CCDC175: variants seen among roughly 807,000 people sequenced by gnomAD.
CCDC175 encodes the protein coiled-coil domain containing 175.
In CCDC175, 100 loss-of-function variants were observed where a neutral mutation model predicts 114.6. The ratio of observed to expected loss-of-function variants is 0.87; its 90% CI spans 0.74 to 1.03. The LOEUF is 1.03. Among genes scored for constraint, CCDC175 ranks in the 50% least tolerant of loss-of-function variants. The pLI, the probability that CCDC175 is intolerant of heterozygous loss-of-function variation, is 0.00. For synonymous variants in CCDC175, 306 were observed against 308.7 expected, an observed-to-expected ratio of 0.99 and a Z score of 0.09; for missense variants, 880 against 917.8, an observed-to-expected ratio of 0.96 and a Z score of 0.53.
In CCDC175 at chr14:59,510,772, T is replaced by C. The variant is rs979967033; in HGVS notation, c.2179A>G (p.Ile727Val). The change falls in exon 19 of 20, where the codon ATA becomes GTA. Residue 727 changes from isoleucine (I) to valine (V), a missense_variant. Coordinates refer to ENST00000537690, the MANE Select transcript of CCDC175 (RefSeq NM_001164399.2). The part of the protein sequence containing the change: ...VDNGEETLQD[I>V]NNLTDKLRER... ...CGCAGCTTGTCTGTTAGATTGTTTATGTCTTGCAAGGTCTCTTCACCATTG... is the reference window on the plus strand; with the variant it reads ...CGCAGCTTGTCTGTTAGATTGTTTACGTCTTGCAAGGTCTCTTCACCATTG... The C allele has an allele frequency of 2.0e-6, 3 of 1,537,392 alleles. No individual in the cohort carries two copies. The highest frequency in any genetic ancestry group is 2.6e-6 in the Non-Finnish European group (3 of 1,146,936).
At chr14:59,575,523 T>C (rs78825608) in intron 1 of CCDC175, among the ~76,000 whole-genome samples, 1 of 150,360 alleles carries the variant, frequency 6.7e-6, no homozygotes, top group Non-Finnish European at 1.5e-5. Flanking sequence ...TTTTTTTTTT[T>C]TTTTGAGACG....
chr14:59,555,458 C>T (rs552486894), intron 7 of CCDC175, among the ~76,000 whole-genome samples: 6 of 152,250 alleles, frequency 3.9e-5, no homozygotes, highest in East Asian at 3.9e-4. Context: ...ATTGATGGGA[C>T]GTATCTCAAA....
intron 6 of CCDC175, among the ~76,000 whole-genome samples, chr14:59,562,901 AATTTTCATTTT>A (rs1896303231): frequency 6.6e-6 from 1 of 152,182 alleles, no homozygotes; most frequent in South Asian, 2.1e-4. Flanking sequence ...TTTGGGAGAA[AATTTTCATTTT>A]ATTAATGCTT....
At chr14:59,556,644 C>A (rs998282996) in intron 7 of CCDC175, among the ~76,000 whole-genome samples, 5 of 152,178 alleles carry the variant, frequency 3.3e-5, no homozygotes, top group Admixed American at 1.3e-4. Context: ...TTCTGCACAG[C>A]AAAAGAAACT....
chr14:59,527,196 TAACTACCTCAAAA>T, intron 14 of CCDC175, 22 bp from the exon 15 acceptor site: 1 of 1,239,478 alleles, frequency 8.1e-7, no homozygotes, highest in Non-Finnish European at 1.1e-6. Context: ...AAGAAAAAAA[TAACTACCTCAAAA>T]ATTTAGTTAA....
intron 4 of CCDC175, among the ~76,000 whole-genome samples, chr14:59,567,451 T>C (rs1896623445): frequency 6.6e-6 from 1 of 152,302 alleles, no homozygotes; most frequent in South Asian, 2.1e-4. Flanking sequence ...CAAGAAGACT[T>C]TTTTTCCCCT....
At chr14:59,524,263 T>C (rs1484812461) in intron 16 of CCDC175, among the ~76,000 whole-genome samples, 1 of 152,202 alleles carries the variant, frequency 6.6e-6, no homozygotes, top group Non-Finnish European at 1.5e-5. Context: ...TAAAAATCAG[T>C]ATCTTATAAA....
chr14:59,515,672 C>T (rs1893036269), intron 17 of CCDC175, among the ~76,000 whole-genome samples: 1 of 152,090 alleles, frequency 6.6e-6, no homozygotes, highest in African/African-American at 2.4e-5. Context: ...TAAAGCAAGT[C>T]CTTAGAGACC....
chr14:59,549,853 T>C (rs929520565), intron 8 of CCDC175, among the ~76,000 whole-genome samples: 19 of 152,166 alleles, frequency 1.2e-4, no homozygotes, highest in African/African-American at 4.3e-4. Flanking sequence ...ATTTCAGTTA[T>C]GTCTAGTGTG....
chr14:59,554,844 G>A (rs944723206), intron 7 of CCDC175, among the ~76,000 whole-genome samples: 120 of 152,134 alleles, frequency 7.9e-4, no homozygotes, highest in Middle Eastern at 3.4e-3. Flanking sequence ...ACACCTCTAC[G>A]CAAATAAACT....
At chr14:59,569,230 A>T (rs927235959) in intron 3 of CCDC175, among the ~76,000 whole-genome samples, 2 of 152,002 alleles carry the variant, frequency 1.3e-5, no homozygotes, top group Non-Finnish European at 2.9e-5. Context: ...GAGCTAGGAC[A>T]TTTTTTTTCT....
At position 59,538,738 on chromosome 14, in the gene CCDC175, A is replaced by T; in HGVS notation, c.1458T>A (p.Asn486Lys). ...EIQAITEKIQ[N>K]AEVRRIELLN... is the part of the protein sequence containing the mutation. ...GTAATTCAATTCGTCTAACTTCTGC[A>T]TTCTGAATTTTTTCTGTAATAGCTT... The change falls in exon 12 of 20, where the codon AAT becomes AAA. Residue 486 changes from asparagine to lysine, a missense_variant. Asn to Lys is a moderately conservative substitution (Grantham distance 94). Coordinates refer to ENST00000537690, the MANE Select transcript of CCDC175 (RefSeq NM_001164399.2). 1.3e-6 allele frequency: 2 copies of T among 1,536,558 alleles called. No homozygotes were observed. The highest frequency in any genetic ancestry group is 8.7e-7 in the Non-Finnish European group (1 of 1,146,648).
At chr14:59,563,125 A>G (rs1896316681) in intron 6 of CCDC175, among the ~76,000 whole-genome samples, 1 of 152,214 alleles carries the variant, frequency 6.6e-6, no homozygotes, top group Non-Finnish European at 1.5e-5. Flanking sequence ...ACATACAAGT[A>G]GTATTTACAT....
At chr14:59,552,982 C>T (rs545580787) in intron 7 of CCDC175, among the ~76,000 whole-genome samples, 2 of 152,314 alleles carry the variant, frequency 1.3e-5, no homozygotes, top group South Asian at 2.1e-4. Flanking sequence ...ACCACATCTA[C>T]GTCTGATTGG....
chr14:59,538,918 A>G, intron 11 of CCDC175, 78 bp from the exon 12 acceptor site: 4 of 1,331,520 alleles, frequency 3.0e-6, no homozygotes, highest in Non-Finnish European at 4.0e-6. Context: ...TCAAAGCAAA[A>G]CAAGTCATAC....
intron 7 of CCDC175, among the ~76,000 whole-genome samples, chr14:59,552,118 T>A (rs186956909): frequency 1.3e-3 from 204 of 152,172 alleles, no homozygotes; most frequent in African/African-American, 4.8e-3. Flanking sequence ...TTGAAGAGAG[T>A]AGTGGTTCTC....
At chr14:59,555,628 G>A (rs1416902525) in intron 7 of CCDC175, among the ~76,000 whole-genome samples, 1 of 152,142 alleles carries the variant, frequency 6.6e-6, no homozygotes, top group Non-Finnish European at 1.5e-5. Flanking sequence ...AATCAGGCAG[G>A]AGAAAGAAAT....
intron 17 of CCDC175, 92 bp from the exon 18 acceptor site, chr14:59,511,895 T>G (rs1268014294): frequency 1.0e-6 from 1 of 953,578 alleles, no homozygotes; most frequent in African/African-American, 1.6e-5. Flanking sequence ...TTTTCAAAAA[T>G]TATTTTTATC....
chr14:59,528,080 T>A (rs1181380466), intron 14 of CCDC175, among the ~76,000 whole-genome samples: 1 of 152,170 alleles, frequency 6.6e-6, no homozygotes, highest in African/African-American at 2.4e-5. Flanking sequence ...TGAGATCTTG[T>A]ATATCTCAAT....
Sources: allele counts gnomAD v4.1 joint callset (sites outside exome capture counted in the v4.1 genomes callset), GRCh38; gene constraint gnomAD v4.1.1; transcripts MANE v1.5; gene names NCBI Gene and HGNC (gene_info 2026-07-23, HGNC 2026-07-21).